SAMSN1: variants seen among roughly 807,000 people sequenced by gnomAD.
SAMSN1 encodes SAM domain, SH3 domain and nuclear localization signals 1.
In SAMSN1, 31 loss-of-function variants were observed where a neutral mutation model predicts 42.0. The observed-to-expected ratio is 0.74, with a 90% CI of 0.55 to 1.00. The LOEUF is 1.00. Among genes scored for constraint, SAMSN1 ranks in the 50% least tolerant of loss-of-function variants. The pLI is 0.00. For synonymous variants in SAMSN1, 178 were observed against 151.9 expected, an observed-to-expected ratio of 1.17 and a Z score of -1.26; for missense variants, 464 against 439.4, an observed-to-expected ratio of 1.06 and a Z score of -0.50.
chr21:14,582,693 T>C lies in SAMSN1; in HGVS notation c.-92-205A>G, dbSNP rs570600692. On this transcript the variant is annotated intron_variant, in intron 1 of 8. Coordinates refer to the SAMSN1 transcript ENST00000285670. Reference sequence around the variant, plus strand: ...ATTTTTTGTTTTGTAAAAGTCGCATTTTTCTGACATTTTTGAAACCATAAC... The same window carrying C: ...ATTTTTTGTTTTGTAAAAGTCGCATCTTTCTGACATTTTTGAAACCATAAC... Among the ~76,000 whole-genome samples the C allele has an allele frequency of 4.6e-4, 70 of 152,282 alleles. No homozygotes were observed. In the South Asian group the frequency reaches 0.014, roughly 32 times the overall value.
intron 2 of SAMSN1, among the ~76,000 whole-genome samples, chr21:14,554,847 C>A (rs1980709852): frequency 6.6e-6 from 1 of 151,868 alleles, no homozygotes; most frequent in African/African-American, 2.4e-5. Context: ...TACAGACATG[C>A]ACCATAATGT....
At chr21:14,535,705 C>T (rs1405180001) in intron 1 of SAMSN1, among the ~76,000 whole-genome samples, 1 of 152,124 alleles carries the variant, frequency 6.6e-6, no homozygotes, top group Non-Finnish European at 1.5e-5. Context: ...CAGAGAGAGA[C>T]ATCAGGAGCA....
intron 5 of SAMSN1, among the ~76,000 whole-genome samples, chr21:14,506,185 C>A (rs987398898): frequency 6.6e-6 from 1 of 151,868 alleles, no homozygotes; most frequent in Non-Finnish European, 1.5e-5. Context: ...AAGAACAAAC[C>A]AAACTCAAAC....
chr21:14,570,947 G>A (rs1981278356), intron 2 of SAMSN1, among the ~76,000 whole-genome samples: 1 of 152,070 alleles, frequency 6.6e-6, no homozygotes, highest in African/African-American at 2.4e-5. Context: ...CCTTCCTCAG[G>A]CTTACCTTAT....
intron 1 of SAMSN1, among the ~76,000 whole-genome samples, chr21:14,531,200 A>G (rs1167490410): frequency 6.6e-6 from 1 of 152,164 alleles, no homozygotes; most frequent in Non-Finnish European, 1.5e-5. Context: ...ATTGATCTCA[A>G]TAGACCTTAC....
At chr21:14,572,196 C>G (rs1276641913) in intron 2 of SAMSN1, among the ~76,000 whole-genome samples, 5 of 152,070 alleles carry the variant, frequency 3.3e-5, no homozygotes, top group Non-Finnish European at 7.4e-5. Flanking sequence ...AAAATAATAG[C>G]TTTTCTTCAT....
intron 1 of SAMSN1, among the ~76,000 whole-genome samples, chr21:14,531,843 T>A (rs1395034078): frequency 1.3e-5 from 2 of 152,162 alleles, no homozygotes; most frequent in Admixed American, 6.5e-5. Flanking sequence ...CCCTTTTACT[T>A]CCATTAGTCT....
intron 2 of SAMSN1, among the ~76,000 whole-genome samples, chr21:14,578,546 G>A (rs925862411): frequency 9.2e-5 from 14 of 152,036 alleles, no homozygotes; most frequent in African/African-American, 3.4e-4. Flanking sequence ...AGCCGGGCAT[G>A]GTGGCGGGCA....
chr21:14,620,646 A>T lies in SAMSN1; in HGVS notation c.157-4630T>A, dbSNP rs373566598. On this transcript the variant is annotated intron_variant, in intron 2 of 15. Coordinates refer to the SAMSN1 transcript ENST00000647101. ...AGAATTGCAAGTAGTCTTTCTTTCA[A>T]TTATCTATCACCAGTGACTGTTGAT... Among the ~76,000 whole-genome samples, 125 of 152,290 alleles carry T rather than the reference A, an allele frequency of 8.2e-4. 2 individuals are homozygous for T. In the South Asian group the frequency reaches 0.011, roughly 13 times the overall value.
chr21:14,567,250 A>G (rs1038640722), intron 2 of SAMSN1, among the ~76,000 whole-genome samples: 3 of 151,846 alleles, frequency 2.0e-5, no homozygotes, highest in African/African-American at 7.3e-5. Context: ...AGGAAGTTGC[A>G]CGAGTAAGTC....
At chr21:14,555,260 A>G (rs939852863) in intron 2 of SAMSN1, among the ~76,000 whole-genome samples, 4 of 152,126 alleles carry the variant, frequency 2.6e-5, no homozygotes, top group African/African-American at 4.8e-5. Flanking sequence ...TATCCAAAAC[A>G]TTAGTTGACA....
intron 2 of SAMSN1, among the ~76,000 whole-genome samples, chr21:14,574,596 T>A (rs1433015923): frequency 6.6e-6 from 1 of 152,174 alleles, no homozygotes; most frequent in Non-Finnish European, 1.5e-5. Context: ...TCAACCCAAA[T>A]AATTTGACTG....
Position 14,608,975 on chromosome 21 carries a change from T to A in SAMSN1, c.322+507A>T, listed in dbSNP as rs187355070. 1.6e-3 allele frequency among the ~76,000 whole-genome samples: 240 copies of A among 152,292 alleles called. 1 individual carries two copies. Among genetic ancestry groups the A allele is most frequent in the African/African-American group, 5.4e-3 (223 of 41,568 alleles). On this transcript the variant is annotated intron_variant, in intron 5 of 15. Coordinates refer to the SAMSN1 transcript ENST00000647101. ...AAGTACTTTTAATTATGAAATTACA[T>A]ACTATTAATATGTTATTCTATACCT...
intron 1 of SAMSN1, among the ~76,000 whole-genome samples, chr21:14,525,708 A>G (rs1300648176): frequency 1.3e-5 from 2 of 152,218 alleles, no homozygotes; most frequent in East Asian, 3.8e-4. Flanking sequence ...TTCTTGAATC[A>G]TTAGCTGGAT....
At chr21:14,591,441 T>C (rs563194144) in intron 7 of SAMSN1, 26 of 152,302 alleles carry the variant, frequency 1.7e-4, no homozygotes, top group Admixed American at 1.0e-3. Flanking sequence ...TAGTCATCTG[T>C]TTCTGTTCCT....
intron 6 of SAMSN1, among the ~76,000 whole-genome samples, chr21:14,601,772 TTA>T (rs1239846992): frequency 2.0e-5 from 3 of 152,218 alleles, no homozygotes; most frequent in Non-Finnish European, 4.4e-5. Context: ...CCAGAGTTAC[TTA>T]TCAAAAGGCT....
chr21:14,578,094 A>C (rs1438975778), intron 2 of SAMSN1, among the ~76,000 whole-genome samples: 1 of 152,194 alleles, frequency 6.6e-6, no homozygotes, highest in Non-Finnish European at 1.5e-5. Context: ...TGCAATAAAT[A>C]TTACTTACTA....
Position 14,509,867 on chromosome 21 carries a change from T to C in SAMSN1, c.561+443A>G, listed in dbSNP as rs113261822. ...CAAATTCTTAGCACTGGGCCAGGCG[T>C]GGTGGCTCACGCCTGTAATCCCAGC... On this transcript the variant is annotated intron_variant, in intron 5 of 7. Transcript: ENST00000400566. Among the ~76,000 whole-genome samples, 420 of 152,184 alleles carry C rather than the reference T, an allele frequency of 2.8e-3. 1 individual carries two copies. In the Middle Eastern group the frequency reaches 0.041, roughly 15 times the overall value.
chr21:14,518,379 T>G lies in SAMSN1; in HGVS notation c.130-1338A>C, dbSNP rs531206652. Among the ~76,000 whole-genome samples the G allele has an allele frequency of 2.0e-5, 3 of 152,346 alleles. No individual in the cohort carries two copies. The East Asian group carries it at 5.8e-4, about 29-fold the overall frequency. On this transcript the variant is annotated intron_variant, in intron 2 of 7. Coordinates refer to ENST00000400566, the MANE Select transcript of SAMSN1 (RefSeq NM_022136.5). The stretch of plus-strand genomic sequence containing the variant: ...GTTTTCTTTGAGTGTCTAGAGTACT[T>G]CCAAGCACAGAGCTGGCACTTGATA...
Sources: gnomAD v4.1 joint callset for allele counts (sites outside exome capture counted in the v4.1 genomes callset) on GRCh38, gnomAD v4.1.1 for gene constraint, MANE v1.5 for transcripts, NCBI Gene and HGNC (gene_info 2026-07-23, HGNC 2026-07-21) for gene names.